Variants in DUOX2 observed in about 807,000 individuals in gnomAD.
The protein encoded by DUOX2 is NADH/NADPH thyroid oxidase p138-tox.
Under a neutral mutation model 183.3 loss-of-function variants are expected in DUOX2, and 185 were observed. The ratio of observed to expected loss-of-function variants is 1.01; its 90% confidence interval spans 0.90 to 1.14. DUOX2 has a LOEUF of 1.14. Among genes scored for constraint, DUOX2 ranks in the 50% most tolerant of loss-of-function variants. The pLI, the probability that DUOX2 is intolerant of heterozygous loss-of-function variation, is 0.00. For synonymous variants in DUOX2, 788 were observed against 812.4 expected (o/e 0.97, Z 0.51); for missense variants, 1,999 against 2,022.9 (o/e 0.99, Z 0.23).
chr15:45,106,104 G>A (rs755127620), intron 17 of DUOX2, 21 bp downstream of exon 17: 3 of 1,613,786 alleles, frequency 1.9e-6, no homozygotes, highest in Non-Finnish European at 2.5e-6. Flanking sequence ...GCCCAGGCTG[G>A]GGAGGCAGGA....
At chr15:45,100,299 A>T (rs779094171) in intron 23 of DUOX2, 71 bp from the exon 24 acceptor site, 26 of 1,475,858 alleles carry the variant, frequency 1.8e-5, no homozygotes, top group Non-Finnish European at 2.4e-5. Context: ...CACTCCATGA[A>T]AGGTGACCTG....
At position 45,108,909 on chromosome 15, in the gene DUOX2, C is replaced by T; in HGVS notation, c.1278G>A (p.Val426=). 1 of 1,614,230 alleles carries T rather than the reference C, an allele frequency of 6.2e-7. No individual in the cohort carries two copies. The highest frequency in any genetic ancestry group is 8.5e-7 in the Non-Finnish European group (1 of 1,180,044). ...GPGKFSRTDY[V]ASSIQRGRDM... ...CTCGGCCACGTTGGATGCTGCTGGC[C>T]ACATAGTCTGTACGGGAGAATTTGC... The change falls in exon 12 of 34, where the codon GTG becomes GTA. Residue 426 remains valine, a synonymous_variant. Coordinates refer to ENST00000389039, the MANE Select transcript of DUOX2 (RefSeq NM_001363711.2).
At chr15:45,097,212 G>A (rs747765099) in intron 29 of DUOX2, 26 bp downstream of exon 29, 33 of 1,613,652 alleles carry the variant, frequency 2.0e-5, no homozygotes, top group Admixed American at 8.3e-5. Context: ...TGTCGCTCCC[G>A]ACCCAGGTCA....
Position 45,106,969 on chromosome 15 carries a change from C to G in DUOX2, c.1694G>C (p.Gly565Ala), listed in dbSNP as rs773799382. 1 of 1,573,926 alleles carries G rather than the reference C, an allele frequency of 6.4e-7. No homozygotes were observed. Among genetic ancestry groups the G allele is most frequent in the South Asian group, 1.2e-5 (1 of 85,628 alleles). Residue 565 changes from glycine to alanine, a missense_variant and splice_region_variant, in exon 15 of 34, where the codon GGT becomes GCT. Physicochemically the swap from Gly to Ala is moderately conservative, Grantham distance 60. Around this residue, in one of 3 missense-constraint regions of DUOX2, gnomAD observed 1,628 missense variants for 1,608.6 expected, o/e 1.01. Coordinates refer to ENST00000389039, the MANE Select transcript of DUOX2 (RefSeq NM_001363711.2). ...LQPNVFVWHK[G>A]APCPQPKQLT... ...CTGCTTAGGTTGAGGGCAGGGTGCACCTGAGGGAGAGGGCAGGGAAGACCT... is the reference window on the plus strand; with the variant it reads ...CTGCTTAGGTTGAGGGCAGGGTGCAGCTGAGGGAGAGGGCAGGGAAGACCT...
At position 45,110,668 on chromosome 15, in the gene DUOX2, T is replaced by C; in HGVS notation, c.925A>G (p.Thr309Ala). The C allele has an allele frequency of 6.2e-7, 1 of 1,612,532 alleles. No individual in the cohort carries two copies. Among genetic ancestry groups the C allele is most frequent in the Non-Finnish European group, 8.5e-7 (1 of 1,179,928 alleles). ...YEWLPSFLQK[T>A]LPEYTGYRPF... Reference sequence around the variant, plus strand: ...CCCTCACCTGTATACTCCGGGAGTGTTTTCTGCAGGAAGCTGGGCAGCCAC... The same window carrying C: ...CCCTCACCTGTATACTCCGGGAGTGCTTTCTGCAGGAAGCTGGGCAGCCAC... The change falls in exon 8 of 34, where the codon ACA (threonine) becomes GCA (alanine). Residue 309 changes from threonine to alanine, a missense_variant. Physicochemically the swap from Thr to Ala is moderately conservative, Grantham distance 58 (BLOSUM62 0). Around this residue, in one of 3 missense-constraint regions of DUOX2, gnomAD observed 1,628 missense variants for 1,608.6 expected, o/e 1.01. Transcript: ENST00000389039.
At position 45,094,149 on chromosome 15, in the gene DUOX2, C is replaced by A; in HGVS notation, c.*1G>T. 6.2e-7 allele frequency: 1 copy of A among 1,614,180 alleles called. No individual in the cohort carries two copies. The highest frequency in any genetic ancestry group is 8.5e-7 in the Non-Finnish European group (1 of 1,180,028). The stretch of plus-strand genomic sequence containing the variant: ...GGAAGCAGCAGCCAGGGAGGACAGG[C>A]TCAGAAGTTCTCATAGTGGTGCATG... On this transcript the variant is annotated 3_prime_UTR_variant, in exon 34 of 34. Coordinates refer to ENST00000389039, the MANE Select transcript of DUOX2 (RefSeq NM_001363711.2).
rs779289206 is a variant in DUOX2, at chr15:45,113,003, G to C, written c.144C>G (p.His48Gln). ...YDGWFNNLRH[H>Q]ERGAVGCRLQ... ...AGAACGCACCAACAGCACCACGCTC[G>C]TGGTGCCTCAGGTTGTTAAACCAGC... Residue 48 changes from histidine (H) to glutamine (Q), a missense_variant, in exon 3 of 34, where the codon CAC becomes CAG. Around this residue, in one of 3 missense-constraint regions of DUOX2, gnomAD observed 356 missense variants for 356.4 expected, o/e 1.00. Transcript: ENST00000389039. 3 of 1,613,666 alleles carry C rather than the reference G, an allele frequency of 1.9e-6. No homozygotes were observed. Among genetic ancestry groups the C allele is most frequent in the Non-Finnish European group, 2.5e-6 (3 of 1,179,942 alleles).
intron 11 of DUOX2, 174 bp from the exon 12 acceptor site, chr15:45,109,126 G>T: frequency 2.4e-6 from 2 of 822,980 alleles, no homozygotes; most frequent in Non-Finnish European, 4.0e-6. Context: ...ATGTCACCAT[G>T]GGTGATCAGA....
In DUOX2 at chr15:45,099,148, T is replaced by C. The variant is rs991424789; in HGVS notation, c.3515+235A>G. 54 of 416,014 alleles carry C rather than the reference T, an allele frequency of 1.3e-4. 1 individual carries two copies. Among genetic ancestry groups the C allele is most frequent in the Middle Eastern group, 1.5e-3 (2 of 1,332 alleles). 25.8% of individuals were successfully genotyped at this position (416,014 alleles called of 1,614,324 possible). A position where few individuals can be genotyped will look rare whatever the true frequency, so the allele number is the denominator to read the frequency against. ...GCCTCAGCCTCCCGAGTAGCTGGGA[T>C]TACAGGCGCCCACCACCACGCCCGG... On this transcript the variant is annotated intron_variant, in intron 26 of 33. Coordinates refer to ENST00000389039, the MANE Select transcript of DUOX2 (RefSeq NM_001363711.2).
rs571163197 is a variant in DUOX2, at chr15:45,101,385, G to A, written c.2852-111C>T. 1.4e-4 allele frequency: 130 copies of A among 951,204 alleles called. No homozygotes were observed. In the African/African-American group the frequency reaches 1.5e-3, roughly 11 times the overall value. The allele number at this position is 951,204 out of a possible 1,614,324, so 58.9% of individuals were successfully genotyped here. A position where few individuals can be genotyped will look rare whatever the true frequency, so the allele number is the denominator to read the frequency against. ...AAAGTCATGTCCAGATCTCTGACTC[G>A]AGTCCTGTTTCCCTCATTCCCTAGA... On this transcript the variant is annotated intron_variant, in intron 21 of 33. Coordinates refer to ENST00000389039, the MANE Select transcript of DUOX2 (RefSeq NM_001363711.2).
chr15:45,100,182 T>C lies in DUOX2; in HGVS notation c.3052A>G (p.Lys1018Glu), dbSNP rs144086319. Residue 1018 changes from lysine to glutamate, a missense_variant, in exon 24 of 34, where the codon AAG becomes GAG. By Grantham distance (56) the Lys-to-Glu change is moderately conservative. Around this residue, in one of 3 missense-constraint regions of DUOX2, gnomAD observed 1,628 missense variants for 1,608.6 expected, o/e 1.01. Coordinates refer to ENST00000389039, the MANE Select transcript of DUOX2 (RefSeq NM_001363711.2). ...TGGGCTAGGAAGCCTCGCTGCATCTTCTCTTGCAGCGCCTCTGTGTACAGC... is the reference window on the plus strand; with the variant it reads ...TGGGCTAGGAAGCCTCGCTGCATCTCCTCTTGCAGCGCCTCTGTGTACAGC... ...PRLYTEALQEKMQRGFLAQKL... is the reference protein window; with the variant it reads ...PRLYTEALQEEMQRGFLAQKL... 2.5e-6 allele frequency: 4 copies of C among 1,614,110 alleles called. No individual in the cohort carries two copies. Among genetic ancestry groups the C allele is most frequent in the Middle Eastern group, 1.6e-4 (1 of 6,062 alleles).
chr15:45,103,997 C>G lies in DUOX2; in HGVS notation c.2617G>C (p.Gly873Arg). ...AAGAATTCGTCCTTGGAGAGGAAGC[C>G]ATTCTCATCCAGGTCATACATGGTA... ...MFTMYDLDEN[G>R]FLSKDEFFTM... Residue 873 changes from glycine to arginine, a missense_variant, in exon 20 of 34, where the codon GGC (glycine) becomes CGC (arginine). Gly to Arg is a moderately radical substitution (Grantham distance 125). Coordinates refer to ENST00000389039, the MANE Select transcript of DUOX2 (RefSeq NM_001363711.2). The G allele has an allele frequency of 6.2e-7, 1 of 1,614,146 alleles. No individual in the cohort carries two copies. Among genetic ancestry groups the G allele is most frequent in the Non-Finnish European group, 8.5e-7 (1 of 1,180,032 alleles).
rs910393463 is a variant in DUOX2 at position 45,093,427 on chromosome 15, G to A, written c.*723C>T. On this transcript the variant is annotated 3_prime_UTR_variant, in exon 34 of 34. Coordinates refer to ENST00000389039, the MANE Select transcript of DUOX2 (RefSeq NM_001363711.2). ...CACTGGTGACATCAAGAATATCAGG[G>A]CTGGGGAGGCATCTTTGTTTCCTGG... is the stretch of plus-strand genomic sequence containing the variant. 2.6e-5 allele frequency: 4 copies of A among 152,656 alleles called. No homozygotes were observed. Among genetic ancestry groups the A allele is most frequent in the African/African-American group, 7.2e-5 (3 of 41,436 alleles). The allele number at this position is 152,656 out of a possible 1,614,324, so 9.5% of individuals were successfully genotyped here.
intron 33 of DUOX2, 108 bp from the exon 34 acceptor site, chr15:45,094,380 A>C: frequency 6.4e-7 from 1 of 1,574,248 alleles, no homozygotes; most frequent in Non-Finnish European, 8.6e-7. Context: ...CTTCAAGCCC[A>C]GGCCTTGAGG....
At chr15:45,108,571 C>A in intron 12 of DUOX2, 1 of 660,858 alleles carries the variant, frequency 1.5e-6, no homozygotes, top group Non-Finnish European at 2.6e-6. Flanking sequence ...AGGAATGGTA[C>A]AATGCAGTGG....
intron 12 of DUOX2, 101 bp from the exon 13 acceptor site, chr15:45,108,323 T>G (rs1407890320): frequency 7.2e-7 from 1 of 1,388,954 alleles, no homozygotes; most frequent in Non-Finnish European, 1.0e-6. Context: ...GCTGCCTGGC[T>G]GCTGCTCAGG....
chr15:45,107,850 C>CAAAAAAAA (rs36025213), intron 13 of DUOX2, among the ~76,000 whole-genome samples, 197 bp downstream of exon 13: 25 of 48,734 alleles, frequency 5.1e-4, no homozygotes, highest in African/African-American at 1.0e-3. Context: ...GACTCTGCCT[C>CAAAAAAAA]AAAAAAAAAA....
At chr15:45,094,790 G>T (rs1440598575) in intron 32 of DUOX2, 99 bp from the exon 33 acceptor site, 2 of 1,596,004 alleles carry the variant, frequency 1.3e-6, no homozygotes, top group Non-Finnish European at 1.7e-6. Context: ...GGGAGGGGAG[G>T]GAGCTGGAGG....
chr15:45,106,615 C>T lies in DUOX2; in HGVS notation c.1858G>A (p.Ala620Thr). The stretch of plus-strand genomic sequence containing the variant: ...TTGTGTTCTCGGCCCCGGAAATAGG[C>T]CACCACTCCAGAGAGAAGCAGACTC... ...LVSLLLSGVVAYFRGREHKKL... is the reference protein window; with the variant it reads ...LVSLLLSGVVTYFRGREHKKL... The change falls in exon 16 of 34, where the codon GCC becomes ACC. Residue 620 changes from alanine (A) to threonine (T), a missense_variant. Transcript: ENST00000389039. 1 of 1,614,136 alleles carries T rather than the reference C, an allele frequency of 6.2e-7. No homozygotes were observed. The highest frequency in any genetic ancestry group is 2.2e-5 in the East Asian group (1 of 44,876).
Sources: allele counts gnomAD v4.1 joint callset (sites outside exome capture counted in the v4.1 genomes callset), GRCh38; gene constraint gnomAD v4.1.1; regional missense constraint gnomAD v4.1.1; transcripts MANE v1.5; gene names NCBI Gene and HGNC (gene_info 2026-07-23, HGNC 2026-07-21).